The following WWOX variants were observed in gnomAD, a reference collection of about 807,000 sequenced individuals.
The protein encoded by WWOX is WW domain containing oxidoreductase.
WWOX carries 69 observed loss-of-function variants against 46.2 expected under a neutral mutation model. The observed-to-expected ratio is 1.49, with a 90% CI of 1.23 to 1.82. WWOX has a LOEUF of 1.82. WWOX is among the 40% of genes most tolerant of loss of function. The probability of loss-of-function intolerance (pLI) is 0.00; values close to 1 mark genes in which losing one functional copy is unlikely to be tolerated. For missense variants in WWOX, 919 were observed against 542.6 expected (o/e 1.69, Z -6.89); for synonymous variants, 359 against 202.6 (o/e 1.77, Z -6.56).
At chr16:78,987,469 A>T (rs1402193731) in intron 8 of WWOX, among the ~76,000 whole-genome samples, 3 of 152,118 alleles carry the variant, frequency 2.0e-5, no homozygotes, top group African/African-American at 4.8e-5. Flanking sequence ...AACTCTCGAG[A>T]GGATGAGACA....
intron 8 of WWOX, among the ~76,000 whole-genome samples, chr16:78,946,316 A>C (rs956861652): frequency 4.6e-5 from 7 of 151,986 alleles, no homozygotes; most frequent in Middle Eastern, 6.3e-3. Context: ...CAGTCTCCCA[A>C]GTAGCTGGGA....
intron 5 of WWOX, among the ~76,000 whole-genome samples, chr16:78,277,735 C>T (rs910848293): frequency 2.6e-5 from 4 of 152,068 alleles, no homozygotes; most frequent in Non-Finnish European, 5.9e-5. Context: ...GCTTGGGACT[C>T]GGCCAGTGGT....
intron 4 of WWOX, among the ~76,000 whole-genome samples, chr16:78,156,184 G>A (rs189190872): frequency 6.6e-6 from 1 of 152,190 alleles, no homozygotes; most frequent in Non-Finnish European, 1.5e-5. Context: ...AAGGAGAGAG[G>A]GTGGAAGCTT....
intron 5 of WWOX, among the ~76,000 whole-genome samples, chr16:78,353,027 TTTC>T (rs1176890504): frequency 6.6e-6 from 1 of 152,234 alleles, no homozygotes; most frequent in African/African-American, 2.4e-5. Flanking sequence ...TTTATTCGTC[TTTC>T]TTCTTTTGTA....
chr16:79,007,661 G>GAA (rs1295999581), intron 8 of WWOX, among the ~76,000 whole-genome samples: 1 of 152,218 alleles, frequency 6.6e-6, no homozygotes, highest in Non-Finnish European at 1.5e-5. Context: ...GAGTTATAAG[G>GAA]AAAGCACTGT....
chr16:78,457,715 A>C (rs888933827), intron 8 of WWOX, among the ~76,000 whole-genome samples: 1 of 152,014 alleles, frequency 6.6e-6, no homozygotes, highest in African/African-American at 2.4e-5. Flanking sequence ...GGAGTTCGAG[A>C]CCAGCTTGGC....
At chr16:78,108,981 C>T (rs557459907) in intron 2 of WWOX, among the ~76,000 whole-genome samples, 1 of 152,212 alleles carries the variant, frequency 6.6e-6, no homozygotes, top group East Asian at 1.9e-4. Flanking sequence ...GAGTGAGATG[C>T]TGTCTGAAAA....
chr16:78,839,483 G>T lies in WWOX; in HGVS notation c.1057-372125G>T, dbSNP rs1291713807. Among the ~76,000 whole-genome samples, 9 of 152,282 alleles carry T rather than the reference G, an allele frequency of 5.9e-5. No individual in the cohort carries two copies. The East Asian group carries it at 1.7e-3, about 29-fold the overall frequency. On this transcript the variant is annotated intron_variant, in intron 8 of 8. Transcript: ENST00000566780. ...ATGTGGATTACTATGGATTCAGAATGGATGCATTTTATGTACAGGGCTGTG... is the reference window on the plus strand; with the variant it reads ...ATGTGGATTACTATGGATTCAGAATTGATGCATTTTATGTACAGGGCTGTG...
intron 8 of WWOX, among the ~76,000 whole-genome samples, chr16:79,050,912 A>G (rs907655254): frequency 3.9e-5 from 6 of 152,220 alleles, no homozygotes; most frequent in Admixed American, 3.9e-4. Context: ...AGCCCCATAA[A>G]AGGCAAAGTG....
At chr16:79,178,564 G>T (rs370434092) in intron 8 of WWOX, among the ~76,000 whole-genome samples, 1 of 152,148 alleles carries the variant, frequency 6.6e-6, no homozygotes, top group African/African-American at 2.4e-5. Flanking sequence ...TGATCCTCCC[G>T]CCTCGACCTC....
intron 8 of WWOX, among the ~76,000 whole-genome samples, chr16:78,680,934 G>T (rs1160571473): frequency 1.3e-5 from 2 of 152,020 alleles, no homozygotes; most frequent in Non-Finnish European, 2.9e-5. Context: ...AACATAGTGA[G>T]ACCCTCTGTC....
At position 78,269,863 on chromosome 16, in the gene WWOX, C is replaced by T. The variant is rs530572901; in HGVS notation, c.516+105574C>T. On this transcript the variant is annotated intron_variant, in intron 5 of 8. Transcript: ENST00000566780. ...CAGTGGCTAATTTGAAAAATGTCAC[C>T]GTATTAGTTTTCATTTACATCTGTC... Among the ~76,000 whole-genome samples the T allele has an allele frequency of 1.7e-4, 26 of 149,670 alleles. No homozygotes were observed. The South Asian group carries it at 1.9e-3, about 11-fold the overall frequency.
At chr16:78,420,147 G>C (rs1029717472) in intron 6 of WWOX, among the ~76,000 whole-genome samples, 1 of 151,974 alleles carries the variant, frequency 6.6e-6, no homozygotes, top group South Asian at 2.1e-4. Context: ...AGAGATGAAA[G>C]TTCAAATACA....
At chr16:78,945,575 G>T (rs1328335177) in intron 8 of WWOX, among the ~76,000 whole-genome samples, 1 of 152,076 alleles carries the variant, frequency 6.6e-6, no homozygotes, top group South Asian at 2.1e-4. Flanking sequence ...TAGTCTTTTG[G>T]TTTTTTCTCT....
At chr16:78,498,680 G>T (rs1046311531) in intron 8 of WWOX, among the ~76,000 whole-genome samples, 1 of 152,176 alleles carries the variant, frequency 6.6e-6, no homozygotes, top group Non-Finnish European at 1.5e-5. Flanking sequence ...TACTTAGGCC[G>T]ATTCCCCATT....
intron 8 of WWOX, among the ~76,000 whole-genome samples, chr16:79,122,166 G>A (rs1261207556): frequency 2.0e-5 from 3 of 152,240 alleles, no homozygotes; most frequent in Admixed American, 6.5e-5. Flanking sequence ...CAAATCATCC[G>A]CCACTTGCTT....
intron 8 of WWOX, among the ~76,000 whole-genome samples, chr16:78,582,685 A>G (rs780875495): frequency 1.3e-5 from 2 of 152,162 alleles, no homozygotes; most frequent in Non-Finnish European, 2.9e-5. Context: ...TGGGTGACTG[A>G]TGACCCCTGC....
At chr16:78,768,627 T>C (rs2049985993) in intron 8 of WWOX, among the ~76,000 whole-genome samples, 1 of 152,054 alleles carries the variant, frequency 6.6e-6, no homozygotes, top group Admixed American at 6.6e-5. Flanking sequence ...AGCTTCCTAA[T>C]TTCTAAATAG....
intron 8 of WWOX, chr16:78,525,936 G>A (rs1454466863): frequency 6.6e-6 from 1 of 151,892 alleles, no homozygotes; most frequent in African/African-American, 2.4e-5. Flanking sequence ...ATATAAGCAT[G>A]ATTTATCATT....
Sources: gnomAD v4.1 joint callset for allele counts (sites outside exome capture counted in the v4.1 genomes callset) on GRCh38, gnomAD v4.1.1 for gene constraint, MANE v1.5 for transcripts, NCBI Gene and HGNC (gene_info 2026-07-23, HGNC 2026-07-21) for gene names.